The following SLIT3 variants were observed in gnomAD, a reference collection of about 807,000 sequenced individuals.
SLIT3 encodes the protein slit homolog 3 protein.
In SLIT3, 68 loss-of-function variants were observed where a neutral mutation model predicts 184.0. The ratio of observed to expected loss-of-function variants is 0.37; its 90% CI spans 0.30 to 0.45. SLIT3 has a LOEUF of 0.45. SLIT3 is among the 20% of genes least tolerant of loss of function. The pLI is 1.00. For missense variants in SLIT3, 1,707 were observed against 2,026.0 expected, an observed-to-expected ratio of 0.84 and a Z score of 3.02; for synonymous variants, 831 against 828.6, an observed-to-expected ratio of 1.00 and a Z score of -0.05.
At chr5:168,983,860 G>A (rs995499947) in intron 4 of SLIT3, among the ~76,000 whole-genome samples, 4 of 152,036 alleles carry the variant, frequency 2.6e-5, no homozygotes, top group East Asian at 1.9e-4. Flanking sequence ...AGGTTAAAAT[G>A]ACATTAAGAC....
chr5:169,208,719 A>G (rs926081548), intron 3 of SLIT3, among the ~76,000 whole-genome samples: 2 of 152,240 alleles, frequency 1.3e-5, no homozygotes, highest in Non-Finnish European at 2.9e-5. Flanking sequence ...TATTGGGAAA[A>G]CTGGCTAGTC....
intron 9 of SLIT3, among the ~76,000 whole-genome samples, chr5:168,805,905 G>A (rs1377019582): frequency 3.3e-5 from 5 of 152,186 alleles, no homozygotes; most frequent in Non-Finnish European, 7.3e-5. Context: ...TTTTCACAAT[G>A]ACCCACTGAG....
intron 4 of SLIT3, among the ~76,000 whole-genome samples, chr5:168,907,933 ATAT>A (rs1761116127): frequency 2.4e-5 from 2 of 82,516 alleles, no homozygotes; most frequent in Admixed American, 1.3e-4. Context: ...TTTTATATAT[ATAT>A]TATACGTGTA....
intron 1 of SLIT3, among the ~76,000 whole-genome samples, chr5:169,269,697 G>A (rs1443315214): frequency 6.6e-6 from 1 of 152,260 alleles, no homozygotes; most frequent in Non-Finnish European, 1.5e-5. Flanking sequence ...TCTCCCATGT[G>A]GCACTGATAA....
At chr5:169,126,680 T>C (rs55958015) in intron 4 of SLIT3, among the ~76,000 whole-genome samples, 3,406 of 152,268 alleles carry the variant, frequency 0.022, 135 homozygotes, top group African/African-American at 0.078. Flanking sequence ...GGCACCAGGG[T>C]GCAAGGGGCA....
chr5:169,060,756 G>C lies in SLIT3; in HGVS notation c.413+132723C>G, dbSNP rs1382699800. 2.6e-5 allele frequency among the ~76,000 whole-genome samples: 4 copies of C among 152,348 alleles called. No individual in the cohort carries two copies. In the East Asian group the frequency reaches 7.7e-4, roughly 29 times the overall value. Reference sequence around the variant, plus strand: ...AGAAGTTCTATGAACAACAGGATGAGAGAATGCTCATTGGGCTGAGTGGAG... The same window carrying C: ...AGAAGTTCTATGAACAACAGGATGACAGAATGCTCATTGGGCTGAGTGGAG... On this transcript the variant is annotated intron_variant, in intron 4 of 35. Transcript: ENST00000519560.
chr5:169,124,175 C>A (rs1006883025), intron 4 of SLIT3, among the ~76,000 whole-genome samples: 6 of 152,176 alleles, frequency 3.9e-5, no homozygotes, highest in Non-Finnish European at 7.3e-5. Context: ...TGGTTAAATT[C>A]CCAGGACCCT....
intron 1 of SLIT3, among the ~76,000 whole-genome samples, chr5:169,264,695 C>A (rs986062220): frequency 6.6e-6 from 1 of 152,220 alleles, no homozygotes; most frequent in African/African-American, 2.4e-5. Context: ...TTGGGCCACC[C>A]TTATAGGGCT....
chr5:169,009,848 T>C (rs1202204246), intron 4 of SLIT3, among the ~76,000 whole-genome samples: 2 of 152,248 alleles, frequency 1.3e-5, no homozygotes, highest in African/African-American at 4.8e-5. Flanking sequence ...ATAATTTTAA[T>C]GATGGCTGGA....
At chr5:169,124,405 T>C (rs1272418278) in intron 4 of SLIT3, among the ~76,000 whole-genome samples, 1 of 152,146 alleles carries the variant, frequency 6.6e-6, no homozygotes, top group African/African-American at 2.4e-5. Context: ...AACAAGACAT[T>C]CCTTTGGGGA....
chr5:169,285,104 A>G (rs527467242), intron 1 of SLIT3, among the ~76,000 whole-genome samples: 1 of 152,068 alleles, frequency 6.6e-6, no homozygotes, highest in East Asian at 1.9e-4. Flanking sequence ...TTTTGTACAG[A>G]TGGGGTCTCA....
At chr5:169,096,443 C>A (rs989899880) in intron 4 of SLIT3, among the ~76,000 whole-genome samples, 3 of 152,202 alleles carry the variant, frequency 2.0e-5, no homozygotes, top group African/African-American at 7.2e-5. Flanking sequence ...TTAGGCTCTG[C>A]AAGTCTTAAG....
intron 4 of SLIT3, among the ~76,000 whole-genome samples, chr5:168,971,170 A>C (rs990439978): frequency 1.3e-5 from 2 of 152,232 alleles, no homozygotes; most frequent in African/African-American, 4.8e-5. Context: ...CTATTAGCAT[A>C]TTTCAAGTGT....
At chr5:169,224,154 T>G (rs1038173978) in intron 3 of SLIT3, among the ~76,000 whole-genome samples, 3 of 152,144 alleles carry the variant, frequency 2.0e-5, no homozygotes, top group African/African-American at 7.2e-5. Context: ...GGGTCCTTTT[T>G]TTAACTGGTA....
At chr5:169,289,977 GCTAGGGCACACACTAGGGCATACA>G (rs1274022344) in intron 1 of SLIT3, among the ~76,000 whole-genome samples, 155 of 151,132 alleles carry the variant, frequency 1.0e-3, no homozygotes, top group Non-Finnish European at 1.7e-3. Flanking sequence ...TAGGGAATAT[GCTAGGGCACACACTAGGGCATACA>G]CTAGGGCACA....
At chr5:168,757,600 A>G (rs1337924674) in intron 16 of SLIT3, among the ~76,000 whole-genome samples, 1 of 151,738 alleles carries the variant, frequency 6.6e-6, no homozygotes, top group Non-Finnish European at 1.5e-5. Context: ...CGCCCGGCTA[A>G]TTTTTTTTGT....
intron 3 of SLIT3, among the ~76,000 whole-genome samples, chr5:169,215,571 C>T (rs981155789): frequency 1.3e-5 from 2 of 152,120 alleles, no homozygotes; most frequent in African/African-American, 4.8e-5. Context: ...AACAATACAT[C>T]AATAAATGAG....
chr5:168,691,155 G>A (rs1761894775), intron 29 of SLIT3, among the ~76,000 whole-genome samples: 1 of 152,150 alleles, frequency 6.6e-6, no homozygotes, highest in Non-Finnish European at 1.5e-5. Context: ...CATGGCAAGG[G>A]CCTTGAGGAG....
chr5:169,015,987 ACTTT>A (rs1756360955), intron 4 of SLIT3, among the ~76,000 whole-genome samples: 2 of 67,144 alleles, frequency 3.0e-5, no homozygotes, highest in African/African-American at 5.1e-5. Context: ...CACACACACA[ACTTT>A]CTGTCTGCCC....
Sources: allele counts gnomAD v4.1 joint callset (sites outside exome capture counted in the v4.1 genomes callset), GRCh38; gene constraint gnomAD v4.1.1; transcripts MANE v1.5; gene names NCBI Gene and HGNC (gene_info 2026-07-23, HGNC 2026-07-21).